Variants in PTN observed in about 807,000 individuals in gnomAD.
PTN encodes pleiotrophin.
A neutral mutation model predicts 24.1 loss-of-function variants in PTN; 18 were observed. The observed-to-expected ratio is 0.75, with a 90% CI of 0.52 to 1.11. The LOEUF is 1.11. Among genes scored for constraint, PTN ranks in the 50% least tolerant of loss-of-function variants. The pLI is 0.00. For synonymous variants in PTN, 78 were observed against 68.6 expected, an observed-to-expected ratio of 1.14 and a Z score of -0.67; for missense variants, 163 against 198.8, an observed-to-expected ratio of 0.82 and a Z score of 1.08.
chr7:137,322,318 T>C (rs1036811455), intron 1 of PTN, among the ~76,000 whole-genome samples: 21 of 152,178 alleles, frequency 1.4e-4, no homozygotes, highest in African/African-American at 3.6e-4. Flanking sequence ...GTGACATCTA[T>C]AGCCCATTTT....
intron 1 of PTN, among the ~76,000 whole-genome samples, chr7:137,318,355 T>A (rs1810107827): frequency 6.6e-6 from 1 of 152,144 alleles, no homozygotes; most frequent in African/African-American, 2.4e-5. Flanking sequence ...ACACTTCATC[T>A]CTCTCTTGCT....
intron 1 of PTN, among the ~76,000 whole-genome samples, chr7:137,295,444 C>G (rs908601127): frequency 6.6e-6 from 1 of 152,042 alleles, no homozygotes; most frequent in Non-Finnish European, 1.5e-5. Flanking sequence ...AATTTCTCAT[C>G]TGTTCTAGAG....
At chr7:137,324,426 A>T (rs1810218175) in intron 1 of PTN, among the ~76,000 whole-genome samples, 1 of 71,150 alleles carries the variant, frequency 1.4e-5, no homozygotes, top group Non-Finnish European at 2.9e-5. Flanking sequence ...CTAAAAAAAA[A>T]AAAAAAAATA....
intron 1 of PTN, among the ~76,000 whole-genome samples, chr7:137,280,540 C>A (rs1432391409): frequency 6.6e-6 from 1 of 150,438 alleles, no homozygotes; most frequent in Non-Finnish European, 1.5e-5. Flanking sequence ...AAGACACAAG[C>A]AAAGAGAGCA....
At chr7:137,302,333 T>C (rs1243389254) in intron 1 of PTN, among the ~76,000 whole-genome samples, 1 of 151,990 alleles carries the variant, frequency 6.6e-6, no homozygotes, top group Non-Finnish European at 1.5e-5. Flanking sequence ...GTTTCCAAGT[T>C]GCATGAACCT....
intron 1 of PTN, among the ~76,000 whole-genome samples, chr7:137,339,116 G>A (rs1810493628): frequency 6.6e-6 from 1 of 152,156 alleles, no homozygotes; most frequent in African/African-American, 2.4e-5. Flanking sequence ...GGAGGTTACA[G>A]TATGAGATAA....
At chr7:137,275,348 T>C (rs960794906) in intron 1 of PTN, among the ~76,000 whole-genome samples, 5 of 152,208 alleles carry the variant, frequency 3.3e-5, no homozygotes, top group African/African-American at 1.2e-4. Flanking sequence ...ATGGTATAGA[T>C]GAGCTGAAGC....
chr7:137,286,352 T>C (rs893327822), intron 1 of PTN, among the ~76,000 whole-genome samples: 2 of 152,190 alleles, frequency 1.3e-5, no homozygotes, highest in Non-Finnish European at 2.9e-5. Flanking sequence ...CAAACCCCAC[T>C]ACTTATGGTT....
intron 1 of PTN, among the ~76,000 whole-genome samples, chr7:137,279,901 C>T (rs1809438838): frequency 1.3e-5 from 2 of 152,286 alleles, no homozygotes; most frequent in African/African-American, 2.4e-5. Flanking sequence ...CAGACTTAAA[C>T]TGTGACTTTG....
At chr7:137,317,281 C>T (rs867372279) in intron 1 of PTN, among the ~76,000 whole-genome samples, 4 of 152,136 alleles carry the variant, frequency 2.6e-5, no homozygotes, top group African/African-American at 9.7e-5. Flanking sequence ...TGGGTACCCT[C>T]GGTGCAGAAA....
intron 4 of PTN, among the ~76,000 whole-genome samples, chr7:137,230,413 T>C (rs1353854183): frequency 6.6e-6 from 1 of 151,798 alleles, no homozygotes; most frequent in Non-Finnish European, 1.5e-5. Context: ...CTGACACAAG[T>C]GGCAAGTAAT....
At chr7:137,321,509 T>C (rs1226289596) in intron 1 of PTN, among the ~76,000 whole-genome samples, 1 of 152,234 alleles carries the variant, frequency 6.6e-6, no homozygotes, top group Non-Finnish European at 1.5e-5. Context: ...ACTAATAGTG[T>C]TTATCATTGA....
intron 1 of PTN, among the ~76,000 whole-genome samples, chr7:137,280,303 T>C (rs934504593): frequency 6.6e-6 from 1 of 152,158 alleles, no homozygotes; most frequent in African/African-American, 2.4e-5. Context: ...GTAGGACATC[T>C]GGGTTGAAAT....
At chr7:137,269,665 G>T (rs1585022452) in intron 1 of PTN, among the ~76,000 whole-genome samples, 1 of 94,590 alleles carries the variant, frequency 1.1e-5, no homozygotes. Context: ...ACGGAATCTT[G>T]CTCTGTCACC....
At chr7:137,321,965 C>T (rs976218444) in intron 1 of PTN, among the ~76,000 whole-genome samples, 8 of 152,088 alleles carry the variant, frequency 5.3e-5, no homozygotes, top group African/African-American at 1.9e-4. Flanking sequence ...GTAAGAACTT[C>T]GGACTTAACC....
At chr7:137,339,792 T>C (rs1243184323) in intron 1 of PTN, among the ~76,000 whole-genome samples, 1 of 151,594 alleles carries the variant, frequency 6.6e-6, no homozygotes, top group Non-Finnish European at 1.5e-5. Context: ...ACCAAATTAA[T>C]GGAGAAATGA....
intron 1 of PTN, among the ~76,000 whole-genome samples, chr7:137,336,169 G>A (rs952089191): frequency 1.3e-4 from 20 of 152,086 alleles, no homozygotes; most frequent in African/African-American, 2.4e-4. Flanking sequence ...CAGATGTTGC[G>A]TCGTGACCAT....
At chr7:137,228,357 T>C (rs910671048) in intron 4 of PTN, among the ~76,000 whole-genome samples, 7 of 151,768 alleles carry the variant, frequency 4.6e-5, no homozygotes, top group Admixed American at 2.6e-4. Flanking sequence ...ATGCCTGTTA[T>C]CTTACTGGTT....
At chr7:137,267,170 TTCTG>T (rs989911168) in intron 1 of PTN, among the ~76,000 whole-genome samples, 4 of 152,142 alleles carry the variant, frequency 2.6e-5, no homozygotes, top group African/African-American at 9.7e-5. Flanking sequence ...CTCTTTGACT[TTCTG>T]TCTCTCTCTC....
Sources: allele counts gnomAD v4.1 joint callset (sites outside exome capture counted in the v4.1 genomes callset), GRCh38; gene constraint gnomAD v4.1.1; transcripts MANE v1.5; gene names NCBI Gene and HGNC (gene_info 2026-07-23, HGNC 2026-07-21).